Variants in MALRD1 observed in about 807,000 individuals in gnomAD.
MALRD1 encodes the protein MAM and LDL receptor class A domain containing 1.
Under a neutral mutation model 242.1 loss-of-function variants are expected in MALRD1, and 247 were observed. The observed-to-expected ratio is 1.02, with a 90% CI of 0.92 to 1.13. The LOEUF (loss-of-function observed/expected upper bound fraction) is 1.13, where lower values mean the gene tolerates loss of function less well. Among genes scored for constraint, MALRD1 ranks in the 50% most tolerant of loss-of-function variants. The probability of loss-of-function intolerance (pLI) is 0.00; values close to 1 mark genes in which losing one functional copy is unlikely to be tolerated. For synonymous variants in MALRD1, 995 were observed against 866.6 expected (o/e 1.15, Z -2.60); for missense variants, 2,989 against 2,533.1 (o/e 1.18, Z -3.86).
chr10:19,065,176 A>G (rs1834934068), intron 1 of MALRD1, among the ~76,000 whole-genome samples: 2 of 149,720 alleles, frequency 1.3e-5, no homozygotes, highest in East Asian at 2.0e-4. Flanking sequence ...AATCCCAGCT[A>G]CTTGGGAGGC....
intron 24 of MALRD1, among the ~76,000 whole-genome samples, chr10:19,335,477 T>C (rs1355905883): frequency 6.6e-6 from 1 of 152,142 alleles, no homozygotes; most frequent in African/African-American, 2.4e-5. Context: ...ATCTGCCATA[T>C]GAATTATAAG....
At chr10:19,377,331 T>C (rs1316082179) in intron 26 of MALRD1, among the ~76,000 whole-genome samples, 1 of 152,160 alleles carries the variant, frequency 6.6e-6, no homozygotes, top group African/African-American at 2.4e-5. Flanking sequence ...TATAACATTT[T>C]ATTACTAAAG....
intron 34 of MALRD1, among the ~76,000 whole-genome samples, chr10:19,607,030 A>T: frequency 6.6e-6 from 1 of 152,174 alleles, no homozygotes; most frequent in Non-Finnish European, 1.5e-5. Context: ...AAGACTAGGT[A>T]GCCATTGAAC....
chr10:19,575,906 A>C (rs976490252), intron 33 of MALRD1, among the ~76,000 whole-genome samples: 3 of 152,152 alleles, frequency 2.0e-5, no homozygotes, highest in Admixed American at 6.5e-5. Flanking sequence ...ACAACTCCCA[A>C]ATTAGTCCTC....
intron 8 of MALRD1, 124 bp from the exon 9 acceptor site, chr10:19,133,732 T>C: frequency 2.4e-6 from 1 of 411,794 alleles, no homozygotes; most frequent in Non-Finnish European, 4.1e-6. Context: ...AGACTTTAGA[T>C]TTCCTAGTAC....
intron 6 of MALRD1, 116 bp downstream of exon 6, chr10:19,123,709 G>C (rs138616780): frequency 1.6e-4 from 79 of 501,322 alleles, no homozygotes; most frequent in African/African-American, 1.5e-3. Flanking sequence ...CCTAGTTTTA[G>C]CTGGAGTGTT....
intron 38 of MALRD1, among the ~76,000 whole-genome samples, chr10:19,696,134 G>T (rs898617750): frequency 6.6e-6 from 1 of 152,128 alleles, no homozygotes. Flanking sequence ...AAGAGCTGCT[G>T]CATCTGCATG....
chr10:19,623,947 A>G (rs75932307), intron 36 of MALRD1, among the ~76,000 whole-genome samples: 2,770 of 152,276 alleles, frequency 0.018, 84 homozygotes, highest in African/African-American at 0.063. Flanking sequence ...TGAAAAAAAG[A>G]TTCATTTATT....
At chr10:19,458,916 A>T (rs140153808) in intron 29 of MALRD1, among the ~76,000 whole-genome samples, 2,383 of 151,830 alleles carry the variant, frequency 0.016, 29 homozygotes, top group Non-Finnish European at 0.025. Context: ...ATATGTGCGT[A>T]TATATATAGT....
intron 38 of MALRD1, among the ~76,000 whole-genome samples, chr10:19,714,713 T>A (rs1564563638): frequency 6.6e-6 from 1 of 152,082 alleles, no homozygotes; most frequent in Admixed American, 6.6e-5. Flanking sequence ...GGAGAAGAGA[T>A]GATAAAAGAC....
intron 18 of MALRD1, among the ~76,000 whole-genome samples, chr10:19,252,865 A>T (rs2131791772): frequency 6.6e-6 from 1 of 152,080 alleles, no homozygotes; most frequent in Admixed American, 6.6e-5. Flanking sequence ...TTTCATAGAG[A>T]TTGGTTTCAG....
chr10:19,508,402 C>T (rs1054121277), intron 31 of MALRD1, among the ~76,000 whole-genome samples: 6 of 152,114 alleles, frequency 3.9e-5, no homozygotes, highest in Non-Finnish European at 8.8e-5. Flanking sequence ...TGATGTAAAA[C>T]ATGATGTTTT....
chr10:19,146,460 T>C lies in MALRD1; in HGVS notation c.1558+116T>C, dbSNP rs553706189. On this transcript the variant is annotated intron_variant, in intron 11 of 39. Transcript: ENST00000454679. ...ACTGTATACATGGAACTCTGGTTTG[T>C]CTTGCTTTAAAACCTCCTGACCAAG... is the stretch of plus-strand genomic sequence containing the variant. 1.4e-4 allele frequency: 135 copies of C among 958,268 alleles called. No homozygotes were observed. The African/African-American group carries it at 1.8e-3, about 13-fold the overall frequency. The allele number at this position is 958,268 out of a possible 1,614,324, so 59.4% of individuals were successfully genotyped here. A position where few individuals can be genotyped will look rare whatever the true frequency, so the allele number is the denominator to read the frequency against.
In MALRD1 at chr10:19,234,925, T is replaced by C. The variant is rs552101741; in HGVS notation, c.2992-22759T>C. ...GGTAGGAGATGGCCCATGTTGAGAG[T>C]GGGAACTGGGAATTAAAAAGATGAG... On this transcript the variant is annotated intron_variant, in intron 18 of 39. Coordinates refer to ENST00000454679, the MANE Select transcript of MALRD1 (RefSeq NM_001142308.3). Among the ~76,000 whole-genome samples the C allele has an allele frequency of 3.9e-5, 6 of 152,020 alleles. No homozygotes were observed. The South Asian group carries it at 1.0e-3, about 26-fold the overall frequency.
chr10:19,070,220 A>G (rs1294078905), intron 2 of MALRD1, among the ~76,000 whole-genome samples: 1 of 152,160 alleles, frequency 6.6e-6, no homozygotes, highest in Non-Finnish European at 1.5e-5. Flanking sequence ...TCCATCATAA[A>G]TTGAAAATGC....
intron 18 of MALRD1, among the ~76,000 whole-genome samples, chr10:19,240,335 A>G (rs768525347): frequency 6.6e-6 from 1 of 152,068 alleles, no homozygotes; most frequent in Non-Finnish European, 1.5e-5. Context: ...TTGATTTTGT[A>G]TACTACAACT....
At chr10:19,152,407 C>G (rs540130737) in intron 11 of MALRD1, among the ~76,000 whole-genome samples, 3 of 152,262 alleles carry the variant, frequency 2.0e-5, no homozygotes, top group Non-Finnish European at 4.4e-5. Flanking sequence ...TAGCATTTAG[C>G]TTCCAAATCA....
intron 19 of MALRD1, among the ~76,000 whole-genome samples, chr10:19,278,508 T>A (rs911746787): frequency 6.6e-6 from 1 of 152,196 alleles, no homozygotes; most frequent in Non-Finnish European, 1.5e-5. Flanking sequence ...CATCTGTCCA[T>A]CTATCCATCC....
chr10:19,632,663 A>G (rs540268616), intron 36 of MALRD1, among the ~76,000 whole-genome samples: 10 of 152,220 alleles, frequency 6.6e-5, no homozygotes, highest in African/African-American at 1.7e-4. Flanking sequence ...CCAACCTTAC[A>G]TGCTGGGCCC....
Sources: gnomAD v4.1 joint callset for allele counts (sites outside exome capture counted in the v4.1 genomes callset) on GRCh38, gnomAD v4.1.1 for gene constraint, MANE v1.5 for transcripts, NCBI Gene and HGNC (gene_info 2026-07-23, HGNC 2026-07-21) for gene names.